WWTR1: variants seen among roughly 807,000 people sequenced by gnomAD.
The protein encoded by WWTR1 is WW domain containing transcription regulator 1.
In WWTR1, 13 loss-of-function variants were observed where a neutral mutation model predicts 40.1. The ratio of observed to expected loss-of-function variants is 0.32; its 90% CI spans 0.21 to 0.52. WWTR1 has a LOEUF of 0.52. Among genes scored for constraint, WWTR1 ranks in the 20% least tolerant of loss-of-function variants. The pLI is 0.97. For synonymous variants in WWTR1, 230 were observed against 210.1 expected (o/e 1.09, Z -0.82); for missense variants, 436 against 523.1 (o/e 0.83, Z 1.63).
At chr3:149,548,450 G>A (rs1484273070) in intron 3 of WWTR1, among the ~76,000 whole-genome samples, 1 of 152,092 alleles carries the variant, frequency 6.6e-6, no homozygotes, top group East Asian at 1.9e-4. Flanking sequence ...CTATGTCCTG[G>A]GCTTGCTTCC....
intron 3 of WWTR1, among the ~76,000 whole-genome samples, chr3:149,547,447 AC>A (rs1736418173): frequency 6.6e-6 from 1 of 151,824 alleles, no homozygotes; most frequent in Admixed American, 6.6e-5. Context: ...AATGGCTTGA[AC>A]CCGGGACGTG....
chr3:149,564,152 T>C (rs1737206413), intron 3 of WWTR1, among the ~76,000 whole-genome samples: 1 of 152,190 alleles, frequency 6.6e-6, no homozygotes, highest in South Asian at 2.1e-4. Context: ...CCACCCTACA[T>C]TTACTGACAC....
At chr3:149,589,756 C>A (rs1738608176) in intron 2 of WWTR1, among the ~76,000 whole-genome samples, 1 of 150,948 alleles carries the variant, frequency 6.6e-6, no homozygotes, top group Non-Finnish European at 1.5e-5. Flanking sequence ...ACACAGCAGA[C>A]ATTAAAAAAC....
intron 2 of WWTR1, among the ~76,000 whole-genome samples, chr3:149,629,877 T>C (rs868790909): frequency 2.6e-5 from 4 of 152,142 alleles, no homozygotes; most frequent in Non-Finnish European, 4.4e-5. Context: ...GACAGGGTCA[T>C]GCTCTGTCAC....
chr3:149,549,422 C>A (rs2107951919), intron 3 of WWTR1, among the ~76,000 whole-genome samples: 1 of 152,270 alleles, frequency 6.6e-6, no homozygotes, highest in South Asian at 2.1e-4. Flanking sequence ...AGACAAATTT[C>A]AATAGAAAGG....
intron 4 of WWTR1, among the ~76,000 whole-genome samples, chr3:149,530,441 A>T (rs1735519531): frequency 6.6e-6 from 1 of 152,014 alleles, no homozygotes; most frequent in Non-Finnish European, 1.5e-5. Context: ...TTCATGGGAT[A>T]AAAAAATACA....
chr3:149,574,623 A>G (rs1197208312), intron 2 of WWTR1, among the ~76,000 whole-genome samples: 1 of 152,060 alleles, frequency 6.6e-6, no homozygotes, highest in Non-Finnish European at 1.5e-5. Flanking sequence ...TTGAAGTTGT[A>G]TTTGTCTTGT....
intron 2 of WWTR1, among the ~76,000 whole-genome samples, chr3:149,607,819 T>C (rs2108061903): frequency 6.6e-6 from 1 of 152,292 alleles, no homozygotes; most frequent in Admixed American, 6.5e-5. Context: ...AAATTTCCTC[T>C]GGTAATTCAA....
chr3:149,702,851 G>A (rs1290242797), intron 1 of WWTR1: 1 of 152,180 alleles, frequency 6.6e-6, no homozygotes, highest in Non-Finnish European at 1.5e-5. Flanking sequence ...CTGTTTTGTT[G>A]TGAGACTGGC....
chr3:149,656,932 TG>T lies in WWTR1; in HGVS notation c.374del (p.Pro125HisfsTer8). The stretch of plus-strand genomic sequence containing the variant: ...AGGTCATCTCCCAGCCCGGGGGCAG[TG>T]GCAGCTCGTCGGTCACGTCGTAGGA... ...QQSYDVTDEL[P>X]LPPGWEMTFT... On this transcript the variant is annotated frameshift_variant, in exon 2 of 7. Coordinates refer to ENST00000360632, the MANE Select transcript of WWTR1 (RefSeq NM_015472.6). LOFTEE classifies it high-confidence loss of function. 1 of 1,572,446 alleles carries T rather than the reference TG, an allele frequency of 6.4e-7. No homozygotes were observed. Among genetic ancestry groups the T allele is most frequent in the South Asian group, 1.2e-5 (1 of 85,122 alleles).
At chr3:149,671,151 C>G (rs983067447) in intron 1 of WWTR1, among the ~76,000 whole-genome samples, 1 of 152,090 alleles carries the variant, frequency 6.6e-6, no homozygotes, top group African/African-American at 2.4e-5. Flanking sequence ...TCCTCAGAAC[C>G]ACCAAGAAGG....
At chr3:149,533,518 C>T (rs1336999354) in intron 4 of WWTR1, among the ~76,000 whole-genome samples, 3 of 152,174 alleles carry the variant, frequency 2.0e-5, no homozygotes, top group Non-Finnish European at 4.4e-5. Context: ...TTTCTAGTTA[C>T]TTATCAGTTC....
intron 4 of WWTR1, among the ~76,000 whole-genome samples, chr3:149,539,307 C>G (rs1248328824): frequency 6.6e-6 from 1 of 152,184 alleles, no homozygotes; most frequent in African/African-American, 2.4e-5. Context: ...AAACTATAGA[C>G]AGCGTGATAA....
chr3:149,721,498 G>A (rs1715757673), intron 4 of WWTR1, among the ~76,000 whole-genome samples: 1 of 152,096 alleles, frequency 6.6e-6, no homozygotes, highest in South Asian at 2.1e-4. Flanking sequence ...GTTGCACTTA[G>A]TTTACTCATA....
At chr3:149,723,188 T>TTC (rs1553737958) in intron 4 of WWTR1, among the ~76,000 whole-genome samples, 25 of 122,100 alleles carry the variant, frequency 2.0e-4, no homozygotes, top group East Asian at 7.8e-4. Context: ...TTCTTTTCTT[T>TTC]TTTTTTTTTT....
At chr3:149,580,474 TCATCACAGAAGGGAGGCCA>T (rs979192016) in intron 2 of WWTR1, among the ~76,000 whole-genome samples, 2 of 152,008 alleles carry the variant, frequency 1.3e-5, no homozygotes, top group Non-Finnish European at 2.9e-5. Context: ...CCCAGGGAGC[TCATCACAGAAGGGAGGCCA>T]CATCACAGAG....
At chr3:149,584,902 G>C (rs933654330) in intron 2 of WWTR1, among the ~76,000 whole-genome samples, 2 of 152,092 alleles carry the variant, frequency 1.3e-5, no homozygotes, top group Non-Finnish European at 2.9e-5. Flanking sequence ...AAAGCACCTA[G>C]CACAGTGCCG....
At chr3:149,521,048 A>G in intron 6 of WWTR1, 59 bp from the exon 7 acceptor site, 8 of 1,508,758 alleles carry the variant, frequency 5.3e-6, no homozygotes, top group Non-Finnish European at 7.1e-6. Flanking sequence ...TGAAGGAGGA[A>G]CAGTTCAAGT....
At chr3:149,573,987 T>G (rs908895007) in intron 2 of WWTR1, among the ~76,000 whole-genome samples, 1 of 152,148 alleles carries the variant, frequency 6.6e-6, no homozygotes, top group African/African-American at 2.4e-5. Flanking sequence ...TTCCTCTACT[T>G]TGTTTTATAA....
Sources: gnomAD v4.1 joint callset for allele counts (sites outside exome capture counted in the v4.1 genomes callset) on GRCh38, gnomAD v4.1.1 for gene constraint, MANE v1.5 for transcripts, NCBI Gene and HGNC (gene_info 2026-07-23, HGNC 2026-07-21) for gene names.